The following OGDH variants were observed in gnomAD, a reference collection of about 807,000 sequenced individuals.
OGDH encodes oxoglutarate dehydrogenase.
Under a neutral mutation model 116.6 loss-of-function variants are expected in OGDH, and 38 were observed. That is an observed-to-expected ratio of 0.33 (90% CI 0.25 to 0.43). OGDH has a LOEUF of 0.43. OGDH is among the 20% of genes least tolerant of loss of function. The pLI is 1.00. For missense variants in OGDH, 825 were observed against 1,357.2 expected, an observed-to-expected ratio of 0.61 and a Z score of 6.16; for synonymous variants, 488 against 533.3, an observed-to-expected ratio of 0.92 and a Z score of 1.17.
In OGDH at chr7:44,680,575, G is replaced by C. The variant is rs941248215; in HGVS notation, c.1207-1145G>C. On this transcript the variant is annotated intron_variant, in intron 9 of 22. Coordinates refer to ENST00000222673, the MANE Select transcript of OGDH (RefSeq NM_002541.4). ...ACACACACACACACACACACACACA[G>C]AAATAGCCATGTATATGTGCGCCTG... Among the ~76,000 whole-genome samples the C allele has an allele frequency of 3.5e-5, 5 of 143,290 alleles. No homozygotes were observed. In the East Asian group the frequency reaches 6.1e-4, roughly 18 times the overall value. 94.0% of individuals were successfully genotyped at this position (143,290 alleles called of 152,430 possible). A position where few individuals can be genotyped will look rare whatever the true frequency, so the allele number is the denominator to read the frequency against.
In OGDH at chr7:44,624,550, C is replaced by G. The variant is rs1372972016; in HGVS notation, c.207C>G (p.Pro69=). 1 of 1,613,414 alleles carries G rather than the reference C, an allele frequency of 6.2e-7. No homozygotes were observed. The highest frequency in any genetic ancestry group is 2.2e-5 in the East Asian group (1 of 44,890). ...EEMYCAWLEN[P]KSVHKSWDIF... ...TGTACTGTGCTTGGCTGGAAAACCC[C>G]AAAAGTGTACATAAGGTAAGGCTCG... Residue 69 remains proline (P), a synonymous_variant, in exon 2 of 23, where the codon CCC becomes CCG. Transcript: ENST00000222673.
chr7:44,606,759 G>A (rs1486826109), intron 1 of OGDH, 106 bp downstream of exon 1: 1 of 152,426 alleles, frequency 6.6e-6, no homozygotes, highest in African/African-American at 2.4e-5. Flanking sequence ...CGCCCTTGGT[G>A]CTGCGGGCGC....
chr7:44,650,009 G>A (rs1387850002), intron 4 of OGDH, among the ~76,000 whole-genome samples: 1 of 152,136 alleles, frequency 6.6e-6, no homozygotes, highest in Non-Finnish European at 1.5e-5. Flanking sequence ...ATCCTTTGAG[G>A]AGGAAAACTT....
Position 44,629,736 on chromosome 7 carries a change from C to T in OGDH, c.222+5171C>T, listed in dbSNP as rs150238237. 8.8e-4 allele frequency among the ~76,000 whole-genome samples: 134 copies of T among 152,024 alleles called. 3 individuals are homozygous for T. The East Asian group carries it at 0.016, about 18-fold the overall frequency. On this transcript the variant is annotated intron_variant, in intron 2 of 22. Transcript: ENST00000222673. ...CTGGGATTACAGACGTGCCCCATCA[C>T]GCCTGGCTAATTTTTGTATTTTTAA...
At position 44,669,145 on chromosome 7, in the gene OGDH, C is replaced by CTTTTTTTTTTTTTTTTTTTTTTTTTT. The variant is rs869250474; in HGVS notation, c.633+2319_633+2320insTTTTTTTTTTTTTTTTTTTTTTTTTT. On this transcript the variant is annotated intron_variant, in intron 5 of 22. Transcript: ENST00000222673. ...GAGTCCCCTGTGGGGAGCCCGGCAG[C>CTTTTTTTTTTTTTTTTTTTTTTTTTT]TTTTTTTTTTTTTTTTTTTTTTTTT... Among the ~76,000 whole-genome samples the CTTTTTTTTTTTTTTTTTTTTTTTTTT allele has an allele frequency of 1.0e-4, 8 of 77,806 alleles. 1 individual carries two copies. The highest frequency in any genetic ancestry group is 5.1e-4 in the South Asian group (1 of 1,952). The allele number at this position is 77,806 out of a possible 152,430, so 51.0% of individuals were successfully genotyped here. A position where few individuals can be genotyped will look rare whatever the true frequency, so the allele number is the denominator to read the frequency against.
chr7:44,694,360 T>A lies in OGDH; in HGVS notation c.1516-64T>A. The stretch of plus-strand genomic sequence containing the variant: ...ACCTAGGAGAGATGGGGCAGGTGCC[T>A]GAACAGCACTTCTTCCCAAGGGGCC... On this transcript the variant is annotated intron_variant, in intron 11 of 22. Coordinates refer to ENST00000222673, the MANE Select transcript of OGDH (RefSeq NM_002541.4). This position sits in a 1 kb window ranked among gnomAD's most constrained non-coding sequence, Gnocchi z 4.2. 6.3e-7 allele frequency: 1 copy of A among 1,589,394 alleles called. No homozygotes were observed. The highest frequency in any genetic ancestry group is 8.6e-7 in the Non-Finnish European group (1 of 1,167,714).
chr7:44,611,727 T>A (rs1183204139), intron 1 of OGDH, among the ~76,000 whole-genome samples: 3 of 152,044 alleles, frequency 2.0e-5, no homozygotes, highest in Non-Finnish European at 4.4e-5. Flanking sequence ...ATAAAATTTT[T>A]AAATTTTACA....
chr7:44,701,037 A>G (rs528743518), intron 19 of OGDH, among the ~76,000 whole-genome samples: 4 of 152,302 alleles, frequency 2.6e-5, no homozygotes, highest in Non-Finnish European at 4.4e-5. Context: ...AAACAAAAAA[A>G]AGGAAGGAGT....
chr7:44,615,920 T>C (rs1458523699), intron 1 of OGDH, among the ~76,000 whole-genome samples: 1 of 151,952 alleles, frequency 6.6e-6, no homozygotes, highest in African/African-American at 2.4e-5. Context: ...TCTCAGCTAC[T>C]TGGGGGACTG....
Position 44,697,582 on chromosome 7 carries a change from C to G in OGDH, c.2180-22C>G, listed in dbSNP as rs754642108. The G allele has an allele frequency of 1.2e-5, 20 of 1,614,002 alleles. No individual in the cohort carries two copies. In the Admixed American group the frequency reaches 3.3e-4, roughly 27 times the overall value. On this transcript the variant is annotated intron_variant, in intron 16 of 22. Coordinates refer to ENST00000222673, the MANE Select transcript of OGDH (RefSeq NM_002541.4). This position sits in a 1 kb window ranked among gnomAD's most constrained non-coding sequence, Gnocchi z 6.0. Reference sequence around the variant, plus strand: ...TGGCTGGTGTCCTGGACATGGTTTTCTCCTTCCTTTGTCCCTTGTAGGCTT... The same window carrying G: ...TGGCTGGTGTCCTGGACATGGTTTTGTCCTTCCTTTGTCCCTTGTAGGCTT...
chr7:44,637,578 A>G (rs1785727248), intron 2 of OGDH, among the ~76,000 whole-genome samples: 1 of 152,144 alleles, frequency 6.6e-6, no homozygotes, highest in South Asian at 2.1e-4. Flanking sequence ...TGGGAGGCTG[A>G]GGTGGGTGGA....
intron 4 of OGDH, among the ~76,000 whole-genome samples, chr7:44,660,996 AT>A (rs1297503552): frequency 6.6e-6 from 1 of 152,038 alleles, no homozygotes; most frequent in African/African-American, 2.4e-5. Flanking sequence ...TGAGTTCTGT[AT>A]TTTTGCTGAA....
At position 44,704,376 on chromosome 7, in the gene OGDH, C is replaced by CT. The variant is rs995349744; in HGVS notation, c.2632+2772dup. Among the ~76,000 whole-genome samples the CT allele has an allele frequency of 8.5e-4, 124 of 146,080 alleles. 1 individual carries two copies. Among genetic ancestry groups the CT allele is most frequent in the South Asian group, 2.2e-3 (10 of 4,598 alleles). On this transcript the variant is annotated intron_variant, in intron 20 of 22. Transcript: ENST00000222673. ...CCTTGGAGAACTGTCTATTAAAATC[C>CT]TTTTTTTTTTTAATTTAATTTTTTT...
intron 20 of OGDH, among the ~76,000 whole-genome samples, chr7:44,706,746 G>A (rs938905319): frequency 1.1e-4 from 16 of 149,300 alleles, no homozygotes; most frequent in Middle Eastern, 3.2e-3. Context: ...TCAGCCTCCC[G>A]AGTAGCTGGG....
intron 1 of OGDH, among the ~76,000 whole-genome samples, chr7:44,607,866 T>A (rs1282470306): frequency 6.6e-6 from 1 of 152,078 alleles, no homozygotes; most frequent in Non-Finnish European, 1.5e-5. Context: ...CACGCCCGGC[T>A]AATTTTTGTA....
Position 44,697,582 on chromosome 7 carries a change from C to T in OGDH, c.2180-22C>T, listed in dbSNP as rs754642108. 1 of 1,614,120 alleles carries T rather than the reference C, an allele frequency of 6.2e-7. No homozygotes were observed. Among genetic ancestry groups the T allele is most frequent in the Non-Finnish European group, 8.5e-7 (1 of 1,179,970 alleles). ...TGGCTGGTGTCCTGGACATGGTTTT[C>T]TCCTTCCTTTGTCCCTTGTAGGCTT... is the stretch of plus-strand genomic sequence containing the variant. On this transcript the variant is annotated intron_variant, in intron 16 of 22. Transcript: ENST00000222673. This position sits in a 1 kb window ranked among gnomAD's most constrained non-coding sequence, Gnocchi z 6.0.
chr7:44,651,014 C>T (rs1397694344), intron 4 of OGDH, among the ~76,000 whole-genome samples: 2 of 152,246 alleles, frequency 1.3e-5, no homozygotes, highest in African/African-American at 2.4e-5. Flanking sequence ...TGGAACATAG[C>T]CTTTGGTGCT....
intron 2 of OGDH, among the ~76,000 whole-genome samples, chr7:44,639,610 C>G (rs534924097): frequency 6.6e-6 from 1 of 152,202 alleles, no homozygotes; most frequent in African/African-American, 2.4e-5. Context: ...TCACTACACT[C>G]GATACAAAAC....
chr7:44,639,603 C>T (rs1244678824), intron 2 of OGDH, among the ~76,000 whole-genome samples: 1 of 152,220 alleles, frequency 6.6e-6, no homozygotes, highest in African/African-American at 2.4e-5. Flanking sequence ...TGTGCAGTCA[C>T]TACACTCGAT....
Sources: gnomAD v4.1 joint callset for allele counts (sites outside exome capture counted in the v4.1 genomes callset) on GRCh38, gnomAD v4.1.1 for gene constraint, Gnocchi (gnomAD v3.1) non-coding constraint, MANE v1.5 for transcripts, NCBI Gene and HGNC (gene_info 2026-07-23, HGNC 2026-07-21) for gene names.